The following OXR1 variants were observed in gnomAD, a reference collection of about 807,000 sequenced individuals.
OXR1 encodes the protein oxidation resistance 1.
A neutral mutation model predicts 104.6 loss-of-function variants in OXR1; 41 were observed. That is an observed-to-expected ratio of 0.39 (90% CI 0.31 to 0.51). The LOEUF is 0.51. Among genes scored for constraint, OXR1 ranks in the 20% least tolerant of loss-of-function variants. The pLI is 0.77. For synonymous variants in OXR1, 348 were observed against 348.4 expected (o/e 1.00, Z 0.01); for missense variants, 955 against 1,031.9 (o/e 0.93, Z 1.02).
intron 2 of OXR1, among the ~76,000 whole-genome samples, chr8:106,429,386 A>G (rs777896968): frequency 1.3e-5 from 2 of 152,176 alleles, no homozygotes; most frequent in Non-Finnish European, 1.5e-5. Context: ...TAGGCCGGGC[A>G]TAGTGGCTCA....
intron 1 of OXR1, among the ~76,000 whole-genome samples, chr8:106,357,361 A>T (rs1816016641): frequency 2.0e-5 from 3 of 152,140 alleles, no homozygotes; most frequent in South Asian, 4.1e-4. Context: ...ATGCCGTAAC[A>T]ATTTTACCAA....
At chr8:106,694,952 TTATA>T (rs1563717287) in intron 7 of OXR1, among the ~76,000 whole-genome samples, 1 of 138,770 alleles carries the variant, frequency 7.2e-6, no homozygotes, top group Admixed American at 7.7e-5. Flanking sequence ...TATAAAATAT[TTATA>T]TATATTTACA....
intron 2 of OXR1, among the ~76,000 whole-genome samples, chr8:106,414,374 G>C (rs1818585239): frequency 6.6e-6 from 1 of 151,980 alleles, no homozygotes; most frequent in East Asian, 1.9e-4. Flanking sequence ...GGAGAGATTG[G>C]GGAAAGGGAA....
chr8:106,464,629 T>G (rs2130658136), intron 2 of OXR1, among the ~76,000 whole-genome samples: 1 of 152,208 alleles, frequency 6.6e-6, no homozygotes, highest in South Asian at 2.1e-4. Flanking sequence ...ACTAGTGCAG[T>G]AGAAGTAGCA....
intron 2 of OXR1, among the ~76,000 whole-genome samples, chr8:106,470,746 G>A (rs781159823): frequency 2.0e-5 from 3 of 151,694 alleles, no homozygotes; most frequent in Non-Finnish European, 2.9e-5. Flanking sequence ...GAGAAGAGGT[G>A]GATCTAGCAA....
chr8:106,358,143 G>T (rs1049252604), intron 1 of OXR1, among the ~76,000 whole-genome samples: 1 of 152,144 alleles, frequency 6.6e-6, no homozygotes, highest in Non-Finnish European at 1.5e-5. Context: ...AGACATATTC[G>T]CTGGAGCTCA....
intron 8 of OXR1, among the ~76,000 whole-genome samples, chr8:106,704,393 CTTTTTTTTTTTTTTTTTTT>C (rs71307084): frequency 8.4e-5 from 4 of 47,890 alleles, no homozygotes; most frequent in Non-Finnish European, 1.0e-4. Context: ...CTTTCTTCTT[CTTTTTTTTTTTTTTTTTTT>C]TTTTTTTTTT....
chr8:106,575,638 T>A (rs1817769059), intron 3 of OXR1, among the ~76,000 whole-genome samples: 1 of 151,194 alleles, frequency 6.6e-6, no homozygotes, highest in Non-Finnish European at 1.5e-5. Flanking sequence ...CATTTAATGA[T>A]ATACAATTAA....
intron 1 of OXR1, among the ~76,000 whole-genome samples, chr8:106,303,361 C>G (rs13273561): frequency 0.22 from 32,709 of 146,398 alleles, 5,306 homozygotes; most frequent in African/African-American, 0.47. Flanking sequence ...TCACACCATT[C>G]TCCTGCCTCA....
At chr8:106,521,741 T>A (rs1457261795) in intron 3 of OXR1, among the ~76,000 whole-genome samples, 2 of 152,158 alleles carry the variant, frequency 1.3e-5, no homozygotes, top group African/African-American at 2.4e-5. Flanking sequence ...CTCGATCTCC[T>A]GACCTCAAGA....
At chr8:106,568,310 A>G (rs2130542510) in intron 3 of OXR1, among the ~76,000 whole-genome samples, 1 of 152,286 alleles carries the variant, frequency 6.6e-6, no homozygotes, top group African/African-American at 2.4e-5. Context: ...AAGTATTTAA[A>G]GTTCCAATAC....
chr8:106,571,176 T>C (rs1332467322), intron 3 of OXR1, among the ~76,000 whole-genome samples: 1 of 151,786 alleles, frequency 6.6e-6, no homozygotes, highest in East Asian at 2.0e-4. Context: ...TTTACATTAG[T>C]TAGTTCGGGC....
At chr8:106,522,056 A>G (rs993540120) in intron 3 of OXR1, among the ~76,000 whole-genome samples, 2 of 152,342 alleles carry the variant, frequency 1.3e-5, no homozygotes, top group South Asian at 2.1e-4. Context: ...TAGTTACTAT[A>G]TACATTCAAG....
At chr8:106,747,493 T>C (rs921013509) in intron 16 of OXR1, among the ~76,000 whole-genome samples, 2 of 152,218 alleles carry the variant, frequency 1.3e-5, no homozygotes, top group Non-Finnish European at 2.9e-5. Flanking sequence ...TAATTAAAGA[T>C]TTAGAAGACT....
intron 3 of OXR1, chr8:106,618,232 G>A (rs1821404462): frequency 1.4e-6 from 2 of 1,407,910 alleles, no homozygotes; most frequent in Non-Finnish European, 1.9e-6. Flanking sequence ...ATTTTGGAAA[G>A]TCAGATACAG....
chr8:106,405,589 A>G (rs374497555), intron 2 of OXR1, among the ~76,000 whole-genome samples: 1 of 151,930 alleles, frequency 6.6e-6, no homozygotes, highest in South Asian at 2.1e-4. Context: ...ACATGCTTCT[A>G]CTCTTTTGGA....
At chr8:106,654,380 C>T (rs1260885700) in intron 3 of OXR1, among the ~76,000 whole-genome samples, 1 of 151,976 alleles carries the variant, frequency 6.6e-6, no homozygotes, top group Non-Finnish European at 1.5e-5. Context: ...GAAATAAAAC[C>T]TTGTATTTAA....
chr8:106,514,583 G>C (rs1479711465), intron 2 of OXR1, among the ~76,000 whole-genome samples: 1 of 152,072 alleles, frequency 6.6e-6, no homozygotes, highest in Non-Finnish European at 1.5e-5. Flanking sequence ...TGGCCATCTG[G>C]AGCTCAGTGC....
chr8:106,712,415 G>T (rs1394209979), intron 10 of OXR1, among the ~76,000 whole-genome samples: 2 of 152,022 alleles, frequency 1.3e-5, no homozygotes, highest in African/African-American at 4.8e-5. Flanking sequence ...TTCTGAGTAG[G>T]TGAAGATATG....
Sources: allele counts gnomAD v4.1 joint callset (sites outside exome capture counted in the v4.1 genomes callset), GRCh38; gene constraint gnomAD v4.1.1; transcripts MANE v1.5; gene names NCBI Gene and HGNC (gene_info 2026-07-23, HGNC 2026-07-21).